ABCC8: variants seen among roughly 807,000 people sequenced by gnomAD.
ABCC8 encodes ATP binding cassette subfamily C member 8.
In ABCC8, 137 loss-of-function variants were observed where a neutral mutation model predicts 188.0. That is an observed-to-expected ratio of 0.73 (90% CI 0.63 to 0.84). The LOEUF (loss-of-function observed/expected upper bound fraction) is 0.84, where lower values mean the gene tolerates loss of function less well. Ranked by LOEUF, ABCC8 falls within the 40% of genes least tolerant of loss-of-function variation. The pLI is 0.00. For synonymous variants in ABCC8, 797 were observed against 846.5 expected (o/e 0.94, Z 1.01); for missense variants, 1,750 against 2,072.7 (o/e 0.84, Z 3.02).
intron 24 of ABCC8, 55 bp from the exon 25 acceptor site, chr11:17,407,184 G>A: frequency 6.3e-7 from 1 of 1,599,300 alleles, no homozygotes; most frequent in Non-Finnish European, 8.5e-7. Context: ...CTCTGAGGGT[G>A]AATCAGGGCA....
chr11:17,411,364 T>C (rs1954795882), intron 21 of ABCC8, among the ~76,000 whole-genome samples: 1 of 152,346 alleles, frequency 6.6e-6, no homozygotes, highest in South Asian at 2.1e-4. Context: ...TGAAATAAAA[T>C]GTCCACTTCA....
intron 3 of ABCC8, among the ~76,000 whole-genome samples, chr11:17,468,438 G>A (rs1036179832): frequency 2.6e-5 from 4 of 152,128 alleles, no homozygotes; most frequent in African/African-American, 9.7e-5. Flanking sequence ...GCAGACCTGC[G>A]GATTGATACC....
chr11:17,406,654 G>A lies in ABCC8; in HGVS notation c.3297C>T (p.Ser1099=). The A allele has an allele frequency of 6.2e-7, 1 of 1,614,194 alleles. No homozygotes were observed. Among genetic ancestry groups the A allele is most frequent in the Non-Finnish European group, 8.5e-7 (1 of 1,180,038 alleles). The part of the protein sequence containing the change: ...GLKVAKRLHR[S]LLNRIILAPM... ...GGGCTAGGATGATCCGGTTTAGCAG[G>A]CTGCGGTGCAGTCTCTTGGCCACCT... Residue 1099 remains serine (S), a synonymous_variant, in exon 26 of 39, where the codon AGC becomes AGT. Transcript: ENST00000389817.
intron 16 of ABCC8, among the ~76,000 whole-genome samples, chr11:17,424,994 T>C (rs1464570776): frequency 6.6e-6 from 1 of 152,188 alleles, no homozygotes; most frequent in African/African-American, 2.4e-5. Context: ...CCAATAAATA[T>C]TGGTTACTTT....
chr11:17,437,006 G>T (rs990301840), intron 10 of ABCC8, among the ~76,000 whole-genome samples: 1 of 139,266 alleles, frequency 7.2e-6, no homozygotes, highest in Non-Finnish European at 1.5e-5. Flanking sequence ...CAGGAGAATC[G>T]CTTGAACCCA....
chr11:17,434,602 G>T (rs1367536656), intron 10 of ABCC8, among the ~76,000 whole-genome samples: 2 of 152,166 alleles, frequency 1.3e-5, no homozygotes, highest in Non-Finnish European at 2.9e-5. Flanking sequence ...CATCAGCCGT[G>T]GGGGAGATTT....
At chr11:17,412,472 AT>A (rs1420747753) in intron 21 of ABCC8, among the ~76,000 whole-genome samples, 193 bp downstream of exon 21, 1 of 110,150 alleles carries the variant, frequency 9.1e-6, no homozygotes, top group African/African-American at 2.6e-5. Context: ...GAAGTCTGCA[AT>A]GGGTCATTTG....
Position 17,398,429 on chromosome 11 carries a change from C to A in ABCC8, c.3663G>T (p.Arg1221=). 6.2e-7 allele frequency: 1 copy of A among 1,614,108 alleles called. No individual in the cohort carries two copies. Among genetic ancestry groups the A allele is most frequent in the Non-Finnish European group, 8.5e-7 (1 of 1,180,000 alleles). Reference sequence around the variant, plus strand: ...TGTATTCGAGAAGCTTCTGCTGGAACCGGGCCTCATACCTGGAGGGAGGAT... The same window carrying A: ...TGTATTCGAGAAGCTTCTGCTGGAAACGGGCCTCATACCTGGAGGGAGGAT... ...TTIRAFRYEA[R]FQQKLLEYTD... is the part of the protein sequence containing the mutation. The change falls in exon 30 of 39, where the codon CGG becomes CGT. Residue 1221 remains arginine, a synonymous_variant. Coordinates refer to ENST00000389817, the MANE Select transcript of ABCC8 (RefSeq NM_000352.6).
At chr11:17,409,239 T>C (rs1044764217) in intron 22 of ABCC8, among the ~76,000 whole-genome samples, 2 of 151,908 alleles carry the variant, frequency 1.3e-5, no homozygotes, top group African/African-American at 2.4e-5. Flanking sequence ...TTACAGGCAT[T>C]AGCCACCGCG....
chr11:17,408,537 C>T lies in ABCC8; in HGVS notation c.2695-20G>A, dbSNP rs17846755. On this transcript the variant is annotated intron_variant, in intron 22 of 38. Coordinates refer to ENST00000389817, the MANE Select transcript of ABCC8 (RefSeq NM_000352.6). ...AATGATCTGGAAAGGCAGCAACAAA[C>T]GTGGTTTGGGGGCTGGCTGGGGAGG... The T allele has an allele frequency of 2.3e-4, 370 of 1,604,692 alleles. No individual in the cohort carries two copies. The African/African-American group carries it at 4.4e-3, about 19-fold the overall frequency.
At chr11:17,470,312 T>C in intron 2 of ABCC8, 90 bp from the exon 3 acceptor site, 4 of 1,595,180 alleles carry the variant, frequency 2.5e-6, no homozygotes, top group Non-Finnish European at 3.4e-6. Flanking sequence ...GGCTGAACAC[T>C]GAACCTTTAT....
At chr11:17,442,322 C>A (rs532511222) in intron 10 of ABCC8, among the ~76,000 whole-genome samples, 2 of 152,138 alleles carry the variant, frequency 1.3e-5, no homozygotes, top group Non-Finnish European at 2.9e-5. Context: ...TGTAGCTTCC[C>A]CAGGGCAATG....
At chr11:17,428,802 G>T in intron 12 of ABCC8, 132 bp from the exon 13 acceptor site, 2 of 1,501,378 alleles carry the variant, frequency 1.3e-6, no homozygotes, top group Middle Eastern at 1.9e-4. Flanking sequence ...CACACTGAAG[G>T]GGGCAGACCA....
intron 33 of ABCC8, 146 bp downstream of exon 33, chr11:17,396,770 C>A (rs556946484): frequency 1.1e-5 from 12 of 1,043,588 alleles, no homozygotes; most frequent in Non-Finnish European, 1.7e-5. Flanking sequence ...CCCCACAGGC[C>A]CAGGGCAGGA....
At chr11:17,392,498 G>T (rs572337913), downstream of ABCC8, 21 of 241,542 alleles carry the variant, frequency 8.7e-5, no homozygotes, top group Admixed American at 1.0e-3. Flanking sequence ...GGTAATAGGG[G>T]TGGGGCCCTA....
At chr11:17,414,368 T>G in intron 19 of ABCC8, 144 bp downstream of exon 19, 5 of 1,165,246 alleles carry the variant, frequency 4.3e-6, no homozygotes, top group African/African-American at 1.5e-5. Context: ...AGGTGCACCA[T>G]ATGGAGAGGC....
At chr11:17,467,289 C>T (rs1255764927) in intron 3 of ABCC8, among the ~76,000 whole-genome samples, 9 of 152,118 alleles carry the variant, frequency 5.9e-5, no homozygotes, top group Admixed American at 2.0e-4. Context: ...TGGTGGTACA[C>T]GCCTGTATTC....
chr11:17,459,503 G>A, intron 6 of ABCC8, among the ~76,000 whole-genome samples: 1 of 152,278 alleles, frequency 6.6e-6, no homozygotes, highest in Admixed American at 6.5e-5. Flanking sequence ...ACCTCCTGAG[G>A]ATTAACTGCT....
chr11:17,396,787 G>T, intron 33 of ABCC8, 129 bp downstream of exon 33: 5 of 1,197,424 alleles, frequency 4.2e-6, no homozygotes, highest in Non-Finnish European at 5.9e-6. Context: ...AGGAGACTGC[G>T]ATGTCTGAAT....
Sources: gnomAD v4.1 joint callset for allele counts (sites outside exome capture counted in the v4.1 genomes callset) on GRCh38, gnomAD v4.1.1 for gene constraint, MANE v1.5 for transcripts, NCBI Gene and HGNC (gene_info 2026-07-23, HGNC 2026-07-21) for gene names.